The following SPAG16 variants were observed in gnomAD, a reference collection of about 807,000 sequenced individuals.
SPAG16 encodes the protein sperm-associated antigen 16 protein.
In SPAG16, 86 loss-of-function variants were observed where a neutral mutation model predicts 80.4. The observed-to-expected ratio is 1.07, with a 90% CI of 0.90 to 1.28. The LOEUF (loss-of-function observed/expected upper bound fraction) is 1.28, where lower values mean the gene tolerates loss of function less well. Among genes scored for constraint, SPAG16 ranks in the 50% most tolerant of loss-of-function variants. The probability of loss-of-function intolerance (pLI) is 0.00; values close to 1 mark genes in which losing one functional copy is unlikely to be tolerated. For synonymous variants in SPAG16, 294 were observed against 265.9 expected, an observed-to-expected ratio of 1.11 and a Z score of -1.03; for missense variants, 870 against 765.3, an observed-to-expected ratio of 1.14 and a Z score of -1.61.
At position 214,360,887 on chromosome 2, in the gene SPAG16, C is replaced by T. The variant is rs903973138; in HGVS notation, c.1721-49253C>T. Among the ~76,000 whole-genome samples the T allele has an allele frequency of 1.1e-4, 17 of 151,746 alleles. No homozygotes were observed. In the South Asian group the frequency reaches 2.7e-3, roughly 24 times the overall value. ...ACCCTCTTTCTGGGGAAGAAAAAAG[C>T]GAGGAATGTAGTCAATTTTAGAGGA... On this transcript the variant is annotated intron_variant, in intron 15 of 15. Coordinates refer to ENST00000331683, the MANE Select transcript of SPAG16 (RefSeq NM_024532.5).
At chr2:213,625,941 C>T (rs531022239) in intron 10 of SPAG16, among the ~76,000 whole-genome samples, 30 of 152,176 alleles carry the variant, frequency 2.0e-4, no homozygotes, top group African/African-American at 6.7e-4. Flanking sequence ...CCACCCGCCT[C>T]GGTCTCCCAA....
chr2:214,250,755 T>TAGAGAGAGAGAG (rs1192976006), intron 15 of SPAG16, among the ~76,000 whole-genome samples: 17 of 96,696 alleles, frequency 1.8e-4, no homozygotes, highest in Admixed American at 3.5e-4. Flanking sequence ...TATATATATA[T>TAGAGAGAGAGAG]ATAGAGAGAG....
intron 10 of SPAG16, among the ~76,000 whole-genome samples, chr2:213,781,710 C>T (rs1311838482): frequency 6.6e-6 from 1 of 152,154 alleles, no homozygotes; most frequent in Non-Finnish European, 1.5e-5. Flanking sequence ...TTTTCTAGAA[C>T]TTCTGAAATC....
intron 15 of SPAG16, among the ~76,000 whole-genome samples, chr2:214,316,146 T>C (rs1370600321): frequency 2.2e-3 from 1 of 450 alleles, no homozygotes; most frequent in Non-Finnish European, 5.5e-3. Context: ...CTTTTTGGGT[T>C]TTTTTTTTTT....
chr2:213,504,376 C>T (rs1219239068), intron 10 of SPAG16, among the ~76,000 whole-genome samples: 1 of 151,738 alleles, frequency 6.6e-6, no homozygotes, highest in African/African-American at 2.4e-5. Context: ...ATCAGGGACA[C>T]ACTTTAAGAA....
intron 15 of SPAG16, among the ~76,000 whole-genome samples, chr2:214,258,950 C>A (rs1033118801): frequency 1.3e-5 from 2 of 151,880 alleles, no homozygotes; most frequent in Admixed American, 1.3e-4. Flanking sequence ...AACATAATTT[C>A]TTTTATGTCT....
intron 15 of SPAG16, among the ~76,000 whole-genome samples, chr2:214,388,740 T>C (rs1700900304): frequency 6.6e-6 from 1 of 152,178 alleles, no homozygotes. Flanking sequence ...TGTGAAAGAA[T>C]TCCAAAAAAG....
intron 12 of SPAG16, among the ~76,000 whole-genome samples, chr2:213,931,149 T>A (rs754555975): frequency 6.6e-6 from 1 of 152,224 alleles, no homozygotes; most frequent in Non-Finnish European, 1.5e-5. Flanking sequence ...TTTACCATCC[T>A]GCATGTGAAA....
intron 15 of SPAG16, among the ~76,000 whole-genome samples, chr2:214,325,233 T>C (rs531604556): frequency 1.0e-3 from 158 of 152,136 alleles, no homozygotes; most frequent in Admixed American, 1.4e-3. Flanking sequence ...GCCTACTACT[T>C]ACCAGGGATC....
chr2:213,719,887 C>T (rs573532136), intron 10 of SPAG16, among the ~76,000 whole-genome samples: 18 of 152,140 alleles, frequency 1.2e-4, no homozygotes, highest in Non-Finnish European at 2.2e-4. Flanking sequence ...CACATGCACA[C>T]GTATGTTTAT....
intron 10 of SPAG16, among the ~76,000 whole-genome samples, chr2:213,492,411 G>C (rs2074287084): frequency 6.6e-6 from 1 of 152,144 alleles, no homozygotes; most frequent in Non-Finnish European, 1.5e-5. Context: ...TTAGCTGGGT[G>C]TGGTGGTGGG....
chr2:213,707,277 C>T (rs2065799110), intron 10 of SPAG16, among the ~76,000 whole-genome samples: 1 of 152,202 alleles, frequency 6.6e-6, no homozygotes, highest in Non-Finnish European at 1.5e-5. Flanking sequence ...CATCCTGCCC[C>T]TCATGAATCA....
intron 15 of SPAG16, among the ~76,000 whole-genome samples, chr2:214,274,519 TG>T (rs1420229148): frequency 1.3e-5 from 2 of 152,222 alleles, no homozygotes; most frequent in African/African-American, 4.8e-5. Context: ...TGTTGAATTT[TG>T]TCAAAGGCCT....
chr2:213,475,489 G>T (rs1327765996), intron 9 of SPAG16, among the ~76,000 whole-genome samples: 1 of 152,152 alleles, frequency 6.6e-6, no homozygotes, highest in Non-Finnish European at 1.5e-5. Flanking sequence ...AGAGAGAGGG[G>T]AGAAAAGGCA....
rs996572705 is a variant in SPAG16, at chr2:214,111,076, A to C, written c.1593+2815A>C. On this transcript the variant is annotated intron_variant, in intron 14 of 15. Transcript: ENST00000331683. ...TTGCAAAAATTTTCTCCCATCCTGTAGGTTGCCTGTTCACTCTGATGGTAG... is the reference window on the plus strand; with the variant it reads ...TTGCAAAAATTTTCTCCCATCCTGTCGGTTGCCTGTTCACTCTGATGGTAG... 2.0e-5 allele frequency among the ~76,000 whole-genome samples: 3 copies of C among 152,000 alleles called. No individual in the cohort carries two copies. The East Asian group carries it at 5.8e-4, about 29-fold the overall frequency.
rs540442315 is a variant in SPAG16, at chr2:213,900,500, T to A, written c.1215-29460T>A. On this transcript the variant is annotated intron_variant, in intron 11 of 15. Transcript: ENST00000331683. ...CTCCCTGCAACAAACCGGGTCTTCA[T>A]CATGCCCCTGGAGTTATTCTAAAAT... Among the ~76,000 whole-genome samples, 3 of 152,266 alleles carry A rather than the reference T, an allele frequency of 2.0e-5. No homozygotes were observed. The South Asian group carries it at 6.2e-4, about 32-fold the overall frequency.
At chr2:213,310,920 A>C (rs1291233737) in intron 4 of SPAG16, among the ~76,000 whole-genome samples, 2 of 151,792 alleles carry the variant, frequency 1.3e-5, no homozygotes. Context: ...TATGATACCT[A>C]AAGATGTTTA....
intron 10 of SPAG16, among the ~76,000 whole-genome samples, chr2:213,779,817 A>C (rs553999306): frequency 1.3e-5 from 2 of 152,332 alleles, no homozygotes; most frequent in East Asian, 3.9e-4. Flanking sequence ...AATACTTAAA[A>C]ATTGAAACGT....
chr2:214,149,060 T>C (rs2055821842), intron 14 of SPAG16, 80 bp from the exon 15 acceptor site: 2 of 329,448 alleles, frequency 6.1e-6, no homozygotes, highest in Admixed American at 2.4e-4. Flanking sequence ...TGTGTATATA[T>C]ATATGTGTGT....
Sources: gnomAD v4.1 joint callset for allele counts (sites outside exome capture counted in the v4.1 genomes callset) on GRCh38, gnomAD v4.1.1 for gene constraint, MANE v1.5 for transcripts, NCBI Gene and HGNC (gene_info 2026-07-23, HGNC 2026-07-21) for gene names.